DENND5B: variants seen among roughly 807,000 people sequenced by gnomAD.
DENND5B encodes DENN domain-containing protein 5B.
A neutral mutation model predicts 140.6 loss-of-function variants in DENND5B; 34 were observed. The observed-to-expected ratio is 0.24, with a 90% CI of 0.18 to 0.32. The LOEUF (loss-of-function observed/expected upper bound fraction) is 0.32, where lower values mean the gene tolerates loss of function less well. Ranked by LOEUF, DENND5B falls within the 10% of genes least tolerant of loss-of-function variation. The pLI is 1.00. For missense variants in DENND5B, 1,142 were observed against 1,560.2 expected, an observed-to-expected ratio of 0.73 and a Z score of 4.52; for synonymous variants, 551 against 562.1, an observed-to-expected ratio of 0.98 and a Z score of 0.28.
intron 11 of DENND5B, among the ~76,000 whole-genome samples, chr12:31,415,896 C>A (rs1224881483): frequency 2.0e-5 from 3 of 151,868 alleles, no homozygotes; most frequent in East Asian, 1.9e-4. Flanking sequence ...AGTGCAATGG[C>A]ACGATCTCAG....
chr12:31,579,810 G>A (rs866756847), intron 1 of DENND5B, among the ~76,000 whole-genome samples: 1 of 149,182 alleles, frequency 6.7e-6, no homozygotes, highest in Non-Finnish European at 1.5e-5. Flanking sequence ...GGAGAGAAGA[G>A]AGAAGAGAGA....
At chr12:31,542,287 CAAA>C (rs778257868) in intron 1 of DENND5B, among the ~76,000 whole-genome samples, 3 of 62,300 alleles carry the variant, frequency 4.8e-5, no homozygotes, top group Admixed American at 3.5e-4. Context: ...GACTCCGTCT[CAAA>C]AAAAAAAAAA....
At chr12:31,494,658 A>G (rs1389821234) in intron 2 of DENND5B, among the ~76,000 whole-genome samples, 1 of 152,046 alleles carries the variant, frequency 6.6e-6, no homozygotes, top group Non-Finnish European at 1.5e-5. Flanking sequence ...TTTGCATAGG[A>G]GTGTAACTTT....
Position 31,442,527 on chromosome 12 carries a change from A to C in DENND5B, c.2012+248T>G, listed in dbSNP as rs371151835. On this transcript the variant is annotated intron_variant, in intron 7 of 20. Coordinates refer to ENST00000389082, the MANE Select transcript of DENND5B (RefSeq NM_144973.4). ...TCGCCATTTAAAGTGTGGCTTTTCC[A>C]AGTGTACTTTGCTTGAAAAAGAAAA... is the stretch of plus-strand genomic sequence containing the variant. Among the ~76,000 whole-genome samples the C allele has an allele frequency of 1.2e-4, 18 of 152,206 alleles. No individual in the cohort carries two copies. In the East Asian group the frequency reaches 2.7e-3, roughly 23 times the overall value.
intron 17 of DENND5B, among the ~76,000 whole-genome samples, chr12:31,397,802 T>C (rs936381678): frequency 7.7e-6 from 1 of 129,178 alleles, no homozygotes; most frequent in Admixed American, 9.8e-5. Flanking sequence ...TGTGTGCCTG[T>C]AGTCCCAGCT....
intron 2 of DENND5B, among the ~76,000 whole-genome samples, chr12:31,491,427 G>A (rs1297851067): frequency 6.6e-6 from 1 of 152,046 alleles, no homozygotes; most frequent in Non-Finnish European, 1.5e-5. Flanking sequence ...GAACTGCCAG[G>A]GTGACAGAGT....
In DENND5B at chr12:31,460,139, C is replaced by T. The variant is rs552398643; in HGVS notation, c.1092+55G>A. 123 of 1,516,900 alleles carry T rather than the reference C, an allele frequency of 8.1e-5. No homozygotes were observed. The African/African-American group carries it at 1.2e-3, about 15-fold the overall frequency. The allele number at this position is 1,516,900 out of a possible 1,614,324, so 94.0% of individuals were successfully genotyped here. ...AAAGACAATGCAATCTAACGAAAGT[C>T]GCCTTGACCTAAATCAGCAAACAGC... On this transcript the variant is annotated intron_variant, in intron 4 of 20. Coordinates refer to ENST00000389082, the MANE Select transcript of DENND5B (RefSeq NM_144973.4).
Position 31,385,531 on chromosome 12 carries a change from T to C in DENND5B, c.*2072A>G, listed in dbSNP as rs1940813702. 6.6e-6 allele frequency: 1 copy of C among 152,176 alleles called. No homozygotes were observed. The highest frequency in any genetic ancestry group is 1.5e-5 in the Non-Finnish European group (1 of 68,050). The allele number at this position is 152,176 out of a possible 1,614,324, so 9.4% of individuals were successfully genotyped here. On this transcript the variant is annotated 3_prime_UTR_variant, in exon 21 of 21. Transcript: ENST00000389082. Reference sequence around the variant, plus strand: ...TATAGTTTCTGATCACCAAACACAGTAGGAGCCCAGTGTAAAACAGGTTCT... The same window carrying C: ...TATAGTTTCTGATCACCAAACACAGCAGGAGCCCAGTGTAAAACAGGTTCT...
intron 1 of DENND5B, among the ~76,000 whole-genome samples, chr12:31,558,631 T>C (rs1453828584): frequency 1.3e-5 from 2 of 152,152 alleles, no homozygotes; most frequent in African/African-American, 4.8e-5. Context: ...TACTCATGAA[T>C]AAAACATGAA....
chr12:31,460,108 T>G, intron 4 of DENND5B, 86 bp downstream of exon 4: 2 of 1,313,422 alleles, frequency 1.5e-6, no homozygotes, highest in Non-Finnish European at 2.1e-6. Flanking sequence ...CAGATAAAAT[T>G]TTGACAAAGA....
chr12:31,464,522 C>T (rs1184640922), intron 3 of DENND5B, among the ~76,000 whole-genome samples: 2 of 152,108 alleles, frequency 1.3e-5, no homozygotes, highest in Admixed American at 6.6e-5. Context: ...TTCCCCAATA[C>T]CCCATCATCT....
chr12:31,561,198 T>C (rs556557884), intron 1 of DENND5B, among the ~76,000 whole-genome samples: 9 of 152,312 alleles, frequency 5.9e-5, no homozygotes, highest in South Asian at 2.1e-4. Context: ...ACCATACTCA[T>C]GTACGCATCT....
intron 1 of DENND5B, among the ~76,000 whole-genome samples, chr12:31,582,575 TATTC>T (rs1271617959): frequency 2.0e-5 from 3 of 152,234 alleles, no homozygotes; most frequent in Non-Finnish European, 2.9e-5. Flanking sequence ...TCTTTAAAAA[TATTC>T]ATTGACAAAA....
intron 8 of DENND5B, 95 bp from the exon 9 acceptor site, chr12:31,426,519 C>A: frequency 2.2e-6 from 3 of 1,387,728 alleles, no homozygotes; most frequent in African/African-American, 1.5e-5. Context: ...AAATGAAATG[C>A]AAAAAAGTCC....
intron 1 of DENND5B, among the ~76,000 whole-genome samples, chr12:31,558,129 C>T (rs750623411): frequency 6.6e-6 from 1 of 152,176 alleles, no homozygotes; most frequent in Non-Finnish European, 1.5e-5. Flanking sequence ...GATAACAGCG[C>T]TAGAGATACT....
chr12:31,501,167 G>A (rs1473935683), intron 1 of DENND5B, among the ~76,000 whole-genome samples: 3 of 152,200 alleles, frequency 2.0e-5, no homozygotes, highest in Non-Finnish European at 4.4e-5. Context: ...GAGGGACCCA[G>A]TGAGAAGTAA....
intron 11 of DENND5B, among the ~76,000 whole-genome samples, chr12:31,419,335 G>C (rs1345642224): frequency 6.6e-6 from 1 of 152,106 alleles, no homozygotes; most frequent in African/African-American, 2.4e-5. Context: ...TGTAATTCCA[G>C]TTACTTGGGA....
chr12:31,574,140 G>A (rs867859901), intron 1 of DENND5B, among the ~76,000 whole-genome samples: 3 of 151,598 alleles, frequency 2.0e-5, no homozygotes, highest in Middle Eastern at 3.4e-3. Flanking sequence ...GCATGTGCCT[G>A]TGGTCCCAGC....
At chr12:31,408,980 C>T (rs1388738834) in intron 14 of DENND5B, among the ~76,000 whole-genome samples, 3 of 152,182 alleles carry the variant, frequency 2.0e-5, no homozygotes, top group East Asian at 3.9e-4. Flanking sequence ...TGGTGAGCTC[C>T]GGGACAGCCC....
Sources: allele counts gnomAD v4.1 joint callset (sites outside exome capture counted in the v4.1 genomes callset), GRCh38; gene constraint gnomAD v4.1.1; transcripts MANE v1.5; gene names NCBI Gene and HGNC (gene_info 2026-07-23, HGNC 2026-07-21).